The following PAK5 variants were observed in gnomAD, a reference collection of about 807,000 sequenced individuals.
The protein encoded by PAK5 is serine/threonine-protein kinase PAK 5.
In PAK5, 16 loss-of-function variants were observed where a neutral mutation model predicts 65.9. The observed-to-expected ratio is 0.24, with a 90% CI of 0.16 to 0.37. PAK5 has a LOEUF of 0.37. Ranked by LOEUF, PAK5 falls within the 10% of genes least tolerant of loss-of-function variation. The pLI is 1.00. For missense variants in PAK5, 785 were observed against 903.9 expected (o/e 0.87, Z 1.69); for synonymous variants, 371 against 354.9 (o/e 1.05, Z -0.51).
intron 1 of PAK5, among the ~76,000 whole-genome samples, chr20:9,776,249 C>T (rs2048885887): frequency 6.6e-6 from 1 of 152,154 alleles, no homozygotes; most frequent in South Asian, 2.1e-4. Flanking sequence ...GTCAGAATTT[C>T]ATACCAGGTC....
chr20:9,673,769 C>T (rs1198391660), intron 2 of PAK5, among the ~76,000 whole-genome samples: 1 of 152,092 alleles, frequency 6.6e-6, no homozygotes, highest in African/African-American at 2.4e-5. Flanking sequence ...ACATTTCTGC[C>T]CACAGACCCC....
intron 3 of PAK5, among the ~76,000 whole-genome samples, chr20:9,612,633 AC>A (rs559112215): frequency 1.3e-5 from 2 of 151,328 alleles, no homozygotes; most frequent in Admixed American, 1.3e-4. Flanking sequence ...TGAGAACTCC[AC>A]CCCCCCGATC....
chr20:9,626,077 AC>A, intron 3 of PAK5, among the ~76,000 whole-genome samples: 1 of 152,298 alleles, frequency 6.6e-6, no homozygotes, highest in Non-Finnish European at 1.5e-5. Context: ...CAAAGACTCG[AC>A]CTTTACATAA....
chr20:9,801,558 G>A (rs1333060045), intron 1 of PAK5, among the ~76,000 whole-genome samples: 2 of 150,492 alleles, frequency 1.3e-5, no homozygotes, highest in Non-Finnish European at 3.0e-5. Flanking sequence ...CTGTTCATAT[G>A]GAGCTTTTAA....
At chr20:9,662,241 A>G (rs1450089563) in intron 2 of PAK5, among the ~76,000 whole-genome samples, 1 of 152,160 alleles carries the variant, frequency 6.6e-6, no homozygotes, top group Non-Finnish European at 1.5e-5. Context: ...CTTTTCTAAG[A>G]TAACATGATG....
intron 7 of PAK5, among the ~76,000 whole-genome samples, chr20:9,550,847 C>T (rs893061339): frequency 6.6e-6 from 1 of 151,324 alleles, no homozygotes; most frequent in Admixed American, 6.6e-5. Flanking sequence ...TTTTGTTTGC[C>T]TATAAATTTA....
intron 3 of PAK5, among the ~76,000 whole-genome samples, chr20:9,599,006 T>C (rs1050574961): frequency 2.0e-5 from 3 of 152,192 alleles, no homozygotes; most frequent in Admixed American, 1.3e-4. Flanking sequence ...GTAGAAACTT[T>C]GTACCCATTA....
chr20:9,825,926 T>G (rs2049478582), intron 1 of PAK5, among the ~76,000 whole-genome samples: 1 of 152,170 alleles, frequency 6.6e-6, no homozygotes, highest in South Asian at 2.1e-4. Flanking sequence ...TGAATTATAT[T>G]CACTCAAATT....
intron 2 of PAK5, among the ~76,000 whole-genome samples, chr20:9,709,575 T>C (rs957436540): frequency 6.6e-6 from 1 of 152,158 alleles, no homozygotes; most frequent in African/African-American, 2.4e-5. Context: ...TAGAGTCTCA[T>C]GTGACTTTTT....
chr20:9,830,623 A>T (rs748624355), intron 1 of PAK5, among the ~76,000 whole-genome samples: 16 of 152,022 alleles, frequency 1.1e-4, no homozygotes, highest in Non-Finnish European at 2.2e-4. Flanking sequence ...CCTTTCTAGG[A>T]TTTTCTCTTA....
At chr20:9,652,615 T>C (rs954982855) in intron 2 of PAK5, among the ~76,000 whole-genome samples, 1 of 152,226 alleles carries the variant, frequency 6.6e-6, no homozygotes, top group African/African-American at 2.4e-5. Context: ...ATTATCCTTG[T>C]ACCTGGTCCC....
chr20:9,812,892 A>G (rs370460150), intron 1 of PAK5, among the ~76,000 whole-genome samples: 9 of 152,304 alleles, frequency 5.9e-5, no homozygotes, highest in Non-Finnish European at 7.4e-5. Flanking sequence ...GATATTACAC[A>G]TTGTATGCTT....
At chr20:9,772,936 G>A (rs545825055) in intron 1 of PAK5, among the ~76,000 whole-genome samples, 1 of 152,224 alleles carries the variant, frequency 6.6e-6, no homozygotes, top group Non-Finnish European at 1.5e-5. Context: ...CCCCTCCATG[G>A]GAAACTGAGG....
intron 2 of PAK5, among the ~76,000 whole-genome samples, chr20:9,694,357 G>A (rs1195574406): frequency 6.6e-6 from 1 of 151,344 alleles, no homozygotes; most frequent in Admixed American, 6.6e-5. Context: ...TTTTAAAGAG[G>A]TGAGTTACTT....
At chr20:9,782,206 A>G (rs2048948001) in intron 1 of PAK5, among the ~76,000 whole-genome samples, 1 of 152,026 alleles carries the variant, frequency 6.6e-6, no homozygotes, top group African/African-American at 2.4e-5. Context: ...CTTCCCCCAG[A>G]TATCTACATG....
intron 2 of PAK5, among the ~76,000 whole-genome samples, chr20:9,655,463 A>G (rs1426006725): frequency 6.6e-6 from 1 of 152,134 alleles, no homozygotes. Context: ...AAAAAAAATA[A>G]AAAAGCAAAC....
intron 9 of PAK5, among the ~76,000 whole-genome samples, chr20:9,540,458 T>C (rs1005752770): frequency 2.0e-5 from 3 of 151,762 alleles, no homozygotes; most frequent in Non-Finnish European, 2.9e-5. Context: ...TTTACCAAAA[T>C]GGAGTCATAT....
intron 1 of PAK5, among the ~76,000 whole-genome samples, chr20:9,779,682 T>C (rs1289039361): frequency 6.6e-6 from 1 of 151,998 alleles, no homozygotes; most frequent in African/African-American, 2.4e-5. Context: ...ATGTTTATAC[T>C]ATATTTAATA....
At chr20:9,546,090 G>T (rs189871380) in intron 7 of PAK5, among the ~76,000 whole-genome samples, 2 of 152,298 alleles carry the variant, frequency 1.3e-5, no homozygotes, top group African/African-American at 2.4e-5. Context: ...TAAAGATCAG[G>T]ATTCAGCAGG....
Sources: allele counts gnomAD v4.1 joint callset (sites outside exome capture counted in the v4.1 genomes callset), GRCh38; gene constraint gnomAD v4.1.1; transcripts MANE v1.5; gene names NCBI Gene and HGNC (gene_info 2026-07-23, HGNC 2026-07-21).